Variants in TCF4 observed in about 807,000 individuals in gnomAD.
TCF4 encodes transcription factor 4, also known as SL3-3 enhancer factor 2.
In TCF4, 3 loss-of-function variants were observed where a neutral mutation model predicts 82.1. The observed-to-expected ratio is 0.04, with a 90% confidence interval of 0.02 to 0.09. TCF4 has a LOEUF of 0.09. Ranked by LOEUF, TCF4 falls within the 10% of genes least tolerant of loss-of-function variation. The pLI is 1.00. For synonymous variants in TCF4, 276 were observed against 309.6 expected (o/e 0.89, Z 1.14); for missense variants, 518 against 852.7 (o/e 0.61, Z 4.89).
intron 3 of TCF4, among the ~76,000 whole-genome samples, chr18:55,541,420 A>T (rs2097164286): frequency 6.6e-6 from 1 of 152,010 alleles, no homozygotes; most frequent in African/African-American, 2.4e-5. Context: ...GATAAGGTTT[A>T]CTTATTCTGT....
intron 1 of TCF4, among the ~76,000 whole-genome samples, chr18:55,587,818 G>C (rs2097665464): frequency 7.0e-6 from 1 of 143,274 alleles, no homozygotes; most frequent in South Asian, 2.2e-4. Context: ...CCCTGGCAAA[G>C]TCCTCGGTCC....
chr18:55,474,626 G>C (rs552132654), intron 3 of TCF4, among the ~76,000 whole-genome samples: 1 of 152,132 alleles, frequency 6.6e-6, no homozygotes, highest in Non-Finnish European at 1.5e-5. Flanking sequence ...AATACTCCAA[G>C]GAACCTCATA....
intron 8 of TCF4, chr18:55,284,283 G>C (rs1462270282): frequency 2.0e-5 from 3 of 152,060 alleles, no homozygotes; most frequent in African/African-American, 4.8e-5. Context: ...GTGGCGGCAT[G>C]CACCTGTAAT....
intron 15 of TCF4, among the ~76,000 whole-genome samples, chr18:55,250,532 A>C (rs1299844264): frequency 1.3e-5 from 2 of 152,210 alleles, no homozygotes; most frequent in Non-Finnish European, 2.9e-5. Flanking sequence ...CTTGAGTTTA[A>C]ATCCCGCTGC....
intron 3 of TCF4, among the ~76,000 whole-genome samples, chr18:55,581,209 A>G (rs2097572204): frequency 6.6e-6 from 1 of 152,074 alleles, no homozygotes; most frequent in Admixed American, 6.6e-5. Flanking sequence ...GGACAGAAAG[A>G]CAGCAGTGAG....
Position 55,621,662 on chromosome 18 carries a change from CATTAT to C in TCF4, c.286+9631_286+9635del, listed in dbSNP as rs2097719868. 4.5e-5 allele frequency among the ~76,000 whole-genome samples: 2 copies of C among 44,568 alleles called. 1 individual carries two copies. Among genetic ancestry groups the C allele is most frequent in the South Asian group, 2.0e-3 (2 of 984 alleles). The allele number at this position is 44,568 out of a possible 152,430, so 29.2% of individuals were successfully genotyped here. ...TATATAATATACATTATATAATATA[CATTAT>C]ATAATATACATTATATATTATATTA... On this transcript the variant is annotated intron_variant, in intron 2 of 20. Coordinates refer to the TCF4 transcript ENST00000398339.
intron 5 of TCF4, among the ~76,000 whole-genome samples, chr18:55,433,046 G>A (rs2095246412): frequency 6.6e-6 from 1 of 152,208 alleles, no homozygotes; most frequent in African/African-American, 2.4e-5. Flanking sequence ...TAAAAAAAGT[G>A]CAGTAGTGAA....
Position 55,403,356 on chromosome 18 carries a change from T to C in TCF4, c.369+98A>G. 2.2e-6 allele frequency: 3 copies of C among 1,383,008 alleles called. No homozygotes were observed. In the Admixed American group the frequency reaches 5.0e-5, roughly 23 times the overall value. The allele number at this position is 1,383,008 out of a possible 1,614,324, so 85.7% of individuals were successfully genotyped here. A position where few individuals can be genotyped will look rare whatever the true frequency, so the allele number is the denominator to read the frequency against. ...CATCATCTGACTTGCCGGTGCATCT[T>C]TGGTGTCACAGTTTAAAATGCATCA... On this transcript the variant is annotated intron_variant, in intron 6 of 19. Coordinates refer to ENST00000354452, the MANE Select transcript of TCF4 (RefSeq NM_001083962.2).
chr18:55,302,848 C>A (rs1298166977), intron 8 of TCF4, among the ~76,000 whole-genome samples: 3 of 152,188 alleles, frequency 2.0e-5, no homozygotes, highest in Non-Finnish European at 4.4e-5. Flanking sequence ...TAGAGGAGGT[C>A]TCCTTCCCTG....
chr18:55,515,085 C>T (rs962905565), intron 3 of TCF4, among the ~76,000 whole-genome samples: 1 of 152,044 alleles, frequency 6.6e-6, no homozygotes, highest in Admixed American at 6.6e-5. Flanking sequence ...CAGAGGAAAA[C>T]ACATAAACGT....
chr18:55,565,440 T>C (rs577271470), intron 3 of TCF4, among the ~76,000 whole-genome samples: 2 of 152,274 alleles, frequency 1.3e-5, no homozygotes, highest in Non-Finnish European at 2.9e-5. Context: ...TGAGAGCAAA[T>C]GCCAGTATCA....
At chr18:55,484,591 C>A (rs1223620118) in intron 3 of TCF4, among the ~76,000 whole-genome samples, 1 of 152,130 alleles carries the variant, frequency 6.6e-6, no homozygotes, top group Admixed American at 6.6e-5. Context: ...GGCAGTGGGG[C>A]CCATAAGTAA....
intron 3 of TCF4, among the ~76,000 whole-genome samples, chr18:55,576,550 C>T (rs1475513551): frequency 2.0e-4 from 31 of 152,072 alleles, no homozygotes; most frequent in Middle Eastern, 6.8e-3. Context: ...TTTAATCTAC[C>T]CTTTCCAGTT....
chr18:55,480,452 A>G (rs1184815115), intron 3 of TCF4, among the ~76,000 whole-genome samples: 2 of 152,158 alleles, frequency 1.3e-5, no homozygotes, highest in African/African-American at 4.8e-5. Flanking sequence ...TACGAAAATA[A>G]AATACAGTAT....
At chr18:55,376,311 C>A (rs1046882173) in intron 6 of TCF4, among the ~76,000 whole-genome samples, 1 of 152,042 alleles carries the variant, frequency 6.6e-6, no homozygotes, top group African/African-American at 2.4e-5. Context: ...CAGGTGTAAG[C>A]CACCGTGCCC....
intron 8 of TCF4, among the ~76,000 whole-genome samples, chr18:55,297,989 T>G (rs2067039351): frequency 6.6e-6 from 1 of 152,244 alleles, no homozygotes; most frequent in African/African-American, 2.4e-5. Flanking sequence ...AGTAATATTT[T>G]AGAAGACTGA....
At chr18:55,316,643 G>A (rs990514073) in intron 8 of TCF4, among the ~76,000 whole-genome samples, 2 of 152,062 alleles carry the variant, frequency 1.3e-5, no homozygotes, top group Non-Finnish European at 2.9e-5. Context: ...AAGCCGAACA[G>A]GGGATGTAAT....
intron 3 of TCF4, among the ~76,000 whole-genome samples, chr18:55,578,313 C>G (rs2097547222): frequency 6.6e-6 from 1 of 151,994 alleles, no homozygotes; most frequent in South Asian, 2.1e-4. Context: ...GAGTCCAAGC[C>G]TTAATTAAAA....
chr18:55,327,362 G>C (rs571237507), intron 8 of TCF4, among the ~76,000 whole-genome samples: 28 of 151,886 alleles, frequency 1.8e-4, no homozygotes, highest in African/African-American at 6.0e-4. Context: ...TTATTTTCTT[G>C]GCATCATTTA....
Sources: gnomAD v4.1 joint callset for allele counts (sites outside exome capture counted in the v4.1 genomes callset) on GRCh38, gnomAD v4.1.1 for gene constraint, MANE v1.5 for transcripts, NCBI Gene and HGNC (gene_info 2026-07-23, HGNC 2026-07-21) for gene names.